The following PCNX2 variants were observed in gnomAD, a reference collection of about 807,000 sequenced individuals.
PCNX2 encodes pecanex-like protein 2.
PCNX2 carries 168 observed loss-of-function variants against 223.8 expected under a neutral mutation model. That is an observed-to-expected ratio of 0.75 (90% CI 0.66 to 0.85). PCNX2 has a LOEUF of 0.85. Among genes scored for constraint, PCNX2 ranks in the 40% least tolerant of loss-of-function variants. The pLI, the probability that PCNX2 is intolerant of heterozygous loss-of-function variation, is 0.00. For missense variants in PCNX2, 2,507 were observed against 2,675.5 expected (o/e 0.94, Z 1.39); for synonymous variants, 1,006 against 1,052.6 (o/e 0.96, Z 0.86).
At chr1:233,279,389 T>TTGTGTGTGTGTG (rs57288356) in intron 1 of PCNX2, among the ~76,000 whole-genome samples, 161 of 142,674 alleles carry the variant, frequency 1.1e-3, no homozygotes, top group African/African-American at 4.0e-3. Context: ...TAATTTGTGT[T>TTGTGTGTGTGTG]TGTGTGTGTG....
chr1:233,219,139 T>A (rs993522763), intron 10 of PCNX2, among the ~76,000 whole-genome samples: 2 of 151,990 alleles, frequency 1.3e-5, no homozygotes, highest in Admixed American at 1.3e-4. Context: ...CAGGTGGGTA[T>A]GCAAAGGACA....
chr1:233,250,267 A>G (rs556031157), intron 8 of PCNX2, among the ~76,000 whole-genome samples: 76 of 89,892 alleles, frequency 8.5e-4, no homozygotes, highest in African/African-American at 3.5e-3. Context: ...CAACTTCATC[A>G]ACTAATTAAT....
intron 21 of PCNX2, among the ~76,000 whole-genome samples, chr1:233,110,857 T>C (rs949188969): frequency 1.3e-5 from 2 of 151,008 alleles, no homozygotes; most frequent in Non-Finnish European, 3.0e-5. Context: ...TTAAATAATA[T>C]ACCACTTTCT....
At chr1:233,294,433 G>A (rs2103033086) in intron 1 of PCNX2, among the ~76,000 whole-genome samples, 1 of 152,236 alleles carries the variant, frequency 6.6e-6, no homozygotes, top group Non-Finnish European at 1.5e-5. Context: ...CGGAAAAAGA[G>A]TAAAGAGAAA....
At chr1:233,131,842 T>A (rs1359424436) in intron 21 of PCNX2, among the ~76,000 whole-genome samples, 2 of 152,228 alleles carry the variant, frequency 1.3e-5, no homozygotes, top group Admixed American at 1.3e-4. Context: ...ACTCTGGTTC[T>A]ATCTGAAATT....
At chr1:233,096,861 A>G (rs1674202593) in intron 21 of PCNX2, among the ~76,000 whole-genome samples, 1 of 152,230 alleles carries the variant, frequency 6.6e-6, no homozygotes, top group Admixed American at 6.5e-5. Context: ...AGGAACCAAG[A>G]TAACTGAGCC....
chr1:233,125,382 C>T (rs1272369610), intron 21 of PCNX2, among the ~76,000 whole-genome samples: 1 of 152,174 alleles, frequency 6.6e-6, no homozygotes, highest in East Asian at 1.9e-4. Flanking sequence ...GAATGATTCT[C>T]TATTGAGATC....
chr1:233,283,029 AAAAT>A (rs1022870180), intron 1 of PCNX2, among the ~76,000 whole-genome samples: 5 of 151,456 alleles, frequency 3.3e-5, no homozygotes, highest in African/African-American at 1.2e-4. Flanking sequence ...TCTAAAAAAA[AAAAT>A]AATAATAATA....
chr1:233,149,462 G>GC (rs11387220), intron 19 of PCNX2, among the ~76,000 whole-genome samples: 19,866 of 152,110 alleles, frequency 0.13, 4,008 homozygotes, highest in African/African-American at 0.43. Flanking sequence ...ATTTCAGTGG[G>GC]GGTGAGGCTT....
At chr1:233,092,606 C>T (rs764088814) in intron 22 of PCNX2, among the ~76,000 whole-genome samples, 22 of 151,930 alleles carry the variant, frequency 1.4e-4, no homozygotes, top group Non-Finnish European at 2.4e-4. Context: ...ACACTCTGGG[C>T]AAATATGAAA....
upstream of PCNX2, among the ~76,000 whole-genome samples, chr1:233,298,916 A>G (rs1662214509): frequency 6.6e-6 from 1 of 152,134 alleles, no homozygotes; most frequent in Admixed American, 6.5e-5. Context: ...ACAAAAAACT[A>G]AGTATGCTTC....
At chr1:233,280,354 C>T (rs1019403181) in intron 1 of PCNX2, among the ~76,000 whole-genome samples, 2 of 145,882 alleles carry the variant, frequency 1.4e-5, no homozygotes, top group African/African-American at 5.1e-5. Context: ...GGCTGGAGTG[C>T]AGTGGTCTTC....
chr1:233,266,227 G>C (rs1660324289), intron 1 of PCNX2, among the ~76,000 whole-genome samples: 1 of 152,104 alleles, frequency 6.6e-6, no homozygotes, highest in African/African-American at 2.4e-5. Context: ...CCTCTCCCTA[G>C]CCAGGTGCAG....
At chr1:233,209,688 G>A (rs962925854) in intron 12 of PCNX2, among the ~76,000 whole-genome samples, 1 of 152,200 alleles carries the variant, frequency 6.6e-6, no homozygotes, top group Non-Finnish European at 1.5e-5. Flanking sequence ...GGAAAACACA[G>A]TCTGTCCATG....
At chr1:233,315,301 G>A in the PCNX2 span, among the ~76,000 whole-genome samples, 2 of 152,148 alleles carry the variant, frequency 1.3e-5, no homozygotes, top group Admixed American at 6.5e-5. Flanking sequence ...AAAGAAACCG[G>A]AACTACACAG....
chr1:233,217,054 G>A (rs1327325181), intron 12 of PCNX2, among the ~76,000 whole-genome samples: 1 of 152,180 alleles, frequency 6.6e-6, no homozygotes. Context: ...GTTACCAGGA[G>A]GCAGTGGGAT....
At chr1:233,272,675 GA>G (rs1660702780) in intron 1 of PCNX2, among the ~76,000 whole-genome samples, 1 of 152,122 alleles carries the variant, frequency 6.6e-6, no homozygotes, top group Non-Finnish European at 1.5e-5. Flanking sequence ...ATCCTTATAT[GA>G]AAAAGATACT....
In PCNX2 at chr1:233,000,433, C is replaced by A. The variant is rs1670042485; in HGVS notation, c.5200G>T (p.Ala1734Ser). ...TTGGACAGCACTGCGCCCCGCCAGG[C>A]CGGGTCGCCCTCGTGGCAGATGACC... ...KVVICHEGDP[A>S]WRGAVLSNKE... The change falls in exon 30 of 34, where the codon GCC becomes TCC. Residue 1734 changes from alanine to serine, a missense_variant. This residue lies in a region of PCNX2 where 1,372 missense variants were observed against 1,509.4 expected (regional missense o/e 0.91). Coordinates refer to ENST00000258229, the MANE Select transcript of PCNX2 (RefSeq NM_014801.4). The surrounding 1 kb of genome is among the most constrained non-coding windows in gnomAD (Gnocchi z 4.6). 6.2e-7 allele frequency: 1 copy of A among 1,600,790 alleles called. No homozygotes were observed. Among genetic ancestry groups the A allele is most frequent in the South Asian group, 1.1e-5 (1 of 89,612 alleles).
At position 233,258,453 on chromosome 1, in the gene PCNX2, T is replaced by C. The variant is rs774724195; in HGVS notation, c.1409A>G (p.Tyr470Cys). ...GGCATTTCCCCCCTCCCCAGATCCG[T>C]AGCCAGAACACTGATTGGTGGATAC... ...TRVSTNQCSG[Y>C]GSGEGGNAIK... Residue 470 changes from tyrosine (Y) to cysteine (C), a missense_variant, in exon 5 of 34, where the codon TAC becomes TGC. By Grantham distance (194) the Tyr-to-Cys change is radical. Coordinates refer to ENST00000258229, the MANE Select transcript of PCNX2 (RefSeq NM_014801.4). The C allele has an allele frequency of 5.0e-6, 8 of 1,613,934 alleles. No individual in the cohort carries two copies. The highest frequency in any genetic ancestry group is 6.8e-6 in the Non-Finnish European group (8 of 1,179,880).
Sources: gnomAD v4.1 joint callset for allele counts (sites outside exome capture counted in the v4.1 genomes callset) on GRCh38, gnomAD v4.1.1 for gene constraint, gnomAD v4.1.1 regional missense constraint, Gnocchi (gnomAD v3.1) non-coding constraint, MANE v1.5 for transcripts, NCBI Gene and HGNC (gene_info 2026-07-23, HGNC 2026-07-21) for gene names.